Variants in PCDH9 observed in about 807,000 individuals in gnomAD.
The protein encoded by PCDH9 is protocadherin-9.
In PCDH9, 24 loss-of-function variants were observed where a neutral mutation model predicts 70.6. That is an observed-to-expected ratio of 0.34 (90% CI 0.25 to 0.48). The LOEUF is 0.48. Ranked by LOEUF, PCDH9 falls within the 20% of genes least tolerant of loss-of-function variation. The pLI is 0.99. For synonymous variants in PCDH9, 562 were observed against 558.5 expected (o/e 1.01, Z -0.09); for missense variants, 1,281 against 1,503.6 (o/e 0.85, Z 2.45).
chr13:67,133,807 A>G (rs2087165458), intron 2 of PCDH9, among the ~76,000 whole-genome samples: 1 of 152,132 alleles, frequency 6.6e-6, no homozygotes, highest in Non-Finnish European at 1.5e-5. Context: ...CATGCAATAA[A>G]TTAATCAAAA....
chr13:67,019,394 A>G (rs2139857156), intron 2 of PCDH9, among the ~76,000 whole-genome samples: 1 of 151,456 alleles, frequency 6.6e-6, no homozygotes, highest in South Asian at 2.1e-4. Context: ...ACGGGGTTTC[A>G]CCGTGTTAGC....
At chr13:66,536,430 T>C (rs2098508530) in intron 4 of PCDH9, among the ~76,000 whole-genome samples, 1 of 152,128 alleles carries the variant, frequency 6.6e-6, no homozygotes, top group Admixed American at 6.6e-5. Context: ...TTTGCACTTT[T>C]AGAAAATTTT....
At chr13:66,638,024 TAAAA>T (rs2077662100) in intron 3 of PCDH9, among the ~76,000 whole-genome samples, 2 of 152,098 alleles carry the variant, frequency 1.3e-5, no homozygotes, top group Admixed American at 6.6e-5. Context: ...AGAACCAAAC[TAAAA>T]ACCACAATTT....
intron 2 of PCDH9, among the ~76,000 whole-genome samples, chr13:66,932,584 A>G (rs2082829456): frequency 6.6e-6 from 1 of 151,334 alleles, no homozygotes; most frequent in Non-Finnish European, 1.5e-5. Flanking sequence ...AAAGAAGCCG[A>G]ATCATTCACT....
chr13:67,029,251 A>T (rs1181060340), intron 2 of PCDH9, among the ~76,000 whole-genome samples: 1 of 152,276 alleles, frequency 6.6e-6, no homozygotes, highest in African/African-American at 2.4e-5. Flanking sequence ...CATGAGATTT[A>T]TATGTGAAAA....
intron 2 of PCDH9, among the ~76,000 whole-genome samples, chr13:67,044,886 TA>T (rs2085192997): frequency 6.6e-6 from 1 of 152,078 alleles, no homozygotes; most frequent in African/African-American, 2.4e-5. Context: ...CTGCAGTTAC[TA>T]AAAATACAAA....
intron 3 of PCDH9, among the ~76,000 whole-genome samples, chr13:66,831,474 C>A (rs1214769962): frequency 6.6e-6 from 1 of 151,968 alleles, no homozygotes; most frequent in Non-Finnish European, 1.5e-5. Flanking sequence ...TTGTATTCAC[C>A]TTTTGTGTTT....
intron 2 of PCDH9, among the ~76,000 whole-genome samples, chr13:67,178,672 C>T (rs2138473958): frequency 6.6e-6 from 1 of 152,196 alleles, no homozygotes; most frequent in South Asian, 2.1e-4. Flanking sequence ...TATGCTGTTG[C>T]ATTTTCCTGA....
intron 2 of PCDH9, chr13:67,203,358 A>T (rs952981851): frequency 6.6e-6 from 1 of 152,074 alleles, no homozygotes; most frequent in South Asian, 2.1e-4. Flanking sequence ...ATATAAAAAA[A>T]CTCTTTTACA....
intron 4 of PCDH9, among the ~76,000 whole-genome samples, chr13:66,340,708 G>A (rs368222798): frequency 1.3e-5 from 2 of 152,118 alleles, no homozygotes; most frequent in East Asian, 1.9e-4. Context: ...CTAGCCACAG[G>A]CACTATCTGA....
chr13:67,156,771 C>T (rs2087824365), intron 2 of PCDH9, among the ~76,000 whole-genome samples: 1 of 152,174 alleles, frequency 6.6e-6, no homozygotes, highest in African/African-American at 2.4e-5. Flanking sequence ...CATCCTGTAA[C>T]ACACGCCCAC....
chr13:66,382,942 C>T (rs1354628537), intron 4 of PCDH9, among the ~76,000 whole-genome samples: 1 of 152,038 alleles, frequency 6.6e-6, no homozygotes, highest in South Asian at 2.1e-4. Flanking sequence ...TGAGGCAAAT[C>T]CCTTAAACTT....
intron 2 of PCDH9, among the ~76,000 whole-genome samples, chr13:67,173,429 T>C (rs1186491591): frequency 1.3e-5 from 2 of 152,116 alleles, no homozygotes; most frequent in African/African-American, 4.8e-5. Context: ...AAATTATATA[T>C]ATATTTTCCA....
intron 2 of PCDH9, chr13:67,212,512 A>G (rs2089489712): frequency 6.6e-6 from 1 of 152,190 alleles, no homozygotes; most frequent in Admixed American, 6.5e-5. Flanking sequence ...ATGTGTGTTG[A>G]ATAACAGAAT....
chr13:66,943,513 T>C (rs897159205), intron 2 of PCDH9, among the ~76,000 whole-genome samples: 1 of 152,116 alleles, frequency 6.6e-6, no homozygotes, highest in Non-Finnish European at 1.5e-5. Flanking sequence ...AATTTTGGTT[T>C]ACTGAACTTA....
chr13:66,634,453 G>A (rs781097175), intron 3 of PCDH9, among the ~76,000 whole-genome samples: 2 of 152,166 alleles, frequency 1.3e-5, no homozygotes, highest in Non-Finnish European at 2.9e-5. Flanking sequence ...AAGGATTTCT[G>A]TTGTGTTTAA....
At chr13:66,464,061 G>A (rs1357348430) in intron 4 of PCDH9, among the ~76,000 whole-genome samples, 2 of 151,706 alleles carry the variant, frequency 1.3e-5, no homozygotes, top group African/African-American at 4.8e-5. Context: ...AGTGATCAAT[G>A]GCATCCTTTC....
At chr13:66,812,138 G>A (rs1308072196) in intron 3 of PCDH9, among the ~76,000 whole-genome samples, 1 of 151,832 alleles carries the variant, frequency 6.6e-6, no homozygotes, top group Non-Finnish European at 1.5e-5. Flanking sequence ...ATTGCTTATG[G>A]ATTGAGCCTC....
intron 2 of PCDH9, among the ~76,000 whole-genome samples, chr13:66,981,235 A>G (rs572295629): frequency 3.9e-5 from 6 of 152,142 alleles, no homozygotes; most frequent in East Asian, 1.9e-4. Flanking sequence ...TGCGGAGATC[A>G]AGACCATCGT....
Sources: allele counts gnomAD v4.1 joint callset (sites outside exome capture counted in the v4.1 genomes callset), GRCh38; gene constraint gnomAD v4.1.1; transcripts MANE v1.5; gene names NCBI Gene and HGNC (gene_info 2026-07-23, HGNC 2026-07-21).